The following TCFL5 variants were observed in gnomAD, a reference collection of about 807,000 sequenced individuals.
The protein encoded by TCFL5 is transcription factor-like 5 protein.
A neutral mutation model predicts 44.3 loss-of-function variants in TCFL5; 9 were observed. The observed-to-expected ratio is 0.20, with a 90% CI of 0.12 to 0.35. The LOEUF (loss-of-function observed/expected upper bound fraction) is 0.35. TCFL5 is among the 10% of genes least tolerant of loss of function. The probability of loss-of-function intolerance (pLI) is 1.00; values close to 1 mark genes in which losing one functional copy is unlikely to be tolerated. For synonymous variants in TCFL5, 319 were observed against 271.6 expected (o/e 1.17, Z -1.72); for missense variants, 603 against 613.4 (o/e 0.98, Z 0.18).
intron 5 of TCFL5, chr20:62,851,640 T>TTAAATAAATTAAATAA (rs2063811391): frequency 1.0e-5 from 10 of 985,276 alleles, no homozygotes; most frequent in Non-Finnish European, 1.2e-5. Context: ...CAATTAAATG[T>TTAAATAAATTAAATAA]ATAATGTAAA....
At chr20:62,850,893 C>T (rs921532353) in intron 5 of TCFL5, among the ~76,000 whole-genome samples, 35 of 152,120 alleles carry the variant, frequency 2.3e-4, no homozygotes, top group South Asian at 2.1e-4. Flanking sequence ...AAGCAGCCCC[C>T]GAGTCCGGCT....
rs1600817970 is a variant in TCFL5 at position 62,841,917 on chromosome 20, C to T, written c.*58G>A. ...AGCAGAGCTCCAGGGTTGCAGAAGG[C>T]GTGCACAGGTCACGAAGGAATGGCT... On this transcript the variant is annotated 3_prime_UTR_variant, in exon 6 of 6. Transcript: ENST00000335351. 33 of 1,552,166 alleles carry T rather than the reference C, an allele frequency of 2.1e-5. No homozygotes were observed. The highest frequency in any genetic ancestry group is 2.2e-4 in the Middle Eastern group (1 of 4,458).
At chr20:62,856,212 T>C (rs1159295751) in intron 4 of TCFL5, among the ~76,000 whole-genome samples, 1 of 133,170 alleles carries the variant, frequency 7.5e-6, no homozygotes, top group Non-Finnish European at 1.5e-5. Context: ...ATCATGCCAC[T>C]GCACTATTCC....
chr20:62,857,889 C>G (rs2063919474), intron 3 of TCFL5, among the ~76,000 whole-genome samples: 1 of 151,880 alleles, frequency 6.6e-6, no homozygotes, highest in Admixed American at 6.6e-5. Flanking sequence ...AAGTGCTATG[C>G]AACCAATATG....
At chr20:62,857,302 G>A in intron 4 of TCFL5, 93 bp downstream of exon 4, 11 of 1,514,906 alleles carry the variant, frequency 7.3e-6, no homozygotes, top group South Asian at 1.2e-5. Context: ...CCCTCTGAAC[G>A]CAGAAACGGC....
At chr20:62,860,702 G>A (rs1358809376) in intron 1 of TCFL5, among the ~76,000 whole-genome samples, 1 of 152,134 alleles carries the variant, frequency 6.6e-6, no homozygotes, top group Admixed American at 6.5e-5. Context: ...AACCCCCGTC[G>A]GGCCTTCCTA....
At chr20:62,850,800 C>T (rs570652429) in intron 5 of TCFL5, among the ~76,000 whole-genome samples, 81 of 152,338 alleles carry the variant, frequency 5.3e-4, no homozygotes, top group African/African-American at 1.7e-3. Flanking sequence ...ACTCTGCAGC[C>T]GGCAGGTCCT....
At chr20:62,845,541 T>C (rs979197129) in intron 5 of TCFL5, 5 of 1,456,830 alleles carry the variant, frequency 3.4e-6, no homozygotes, top group East Asian at 5.0e-5. Context: ...TTTGGCAAGA[T>C]AGAATTCACC....
chr20:62,861,217 C>G lies in TCFL5; in HGVS notation c.454G>C (p.Ala152Pro). 1 of 1,140,854 alleles carries G rather than the reference C, an allele frequency of 8.8e-7. No homozygotes were observed. The highest frequency in any genetic ancestry group is 1.1e-6 in the Non-Finnish European group (1 of 918,074). 70.7% of individuals were successfully genotyped at this position (1,140,854 alleles called of 1,614,324 possible). A position where few individuals can be genotyped will look rare whatever the true frequency, so the allele number is the denominator to read the frequency against. Residue 152 changes from alanine to proline, a missense_variant, in exon 1 of 6, where the codon GCC (alanine) becomes CCC (proline). Around this residue, in one of 4 missense-constraint regions of TCFL5, gnomAD observed 540 missense variants for 478.7 expected, o/e 1.13. Coordinates refer to ENST00000335351, the MANE Select transcript of TCFL5 (RefSeq NM_006602.4). This position sits in a 1 kb window ranked among gnomAD's most constrained non-coding sequence, Gnocchi z 4.0. ...TCCTTGGCGGCGCCGTCGGCCCGGG[C>G]CCTCGCTCCGTCCCCGCCGCCCGAC... ...KTSGGGDGAR[A>P]RADGAAKEGA...
rs1225002106 is a variant in TCFL5 at position 62,860,010 on chromosome 20, A to AT, written c.831+114_831+115insA. On this transcript the variant is annotated intron_variant, in intron 2 of 5. Transcript: ENST00000335351. ...AGGTGTCGGCCTTGGCGCCCGGCTTAAAAGGTTATTAAGCTCACTGAAGGG... is the reference window on the plus strand; with the variant it reads ...AGGTGTCGGCCTTGGCGCCCGGCTTATAAAGGTTATTAAGCTCACTGAAGGG... 4 of 1,086,834 alleles carry AT rather than the reference A, an allele frequency of 3.7e-6. No individual in the cohort carries two copies. In the African/African-American group the frequency reaches 6.4e-5, roughly 17 times the overall value. The allele number at this position is 1,086,834 out of a possible 1,614,324, so 67.3% of individuals were successfully genotyped here.
intron 5 of TCFL5, chr20:62,845,304 T>G (rs1334977230): frequency 1.2e-6 from 1 of 842,224 alleles, no homozygotes; most frequent in Non-Finnish European, 1.5e-6. Context: ...GTATTTTTAG[T>G]AGAGACGGGG....
At chr20:62,845,432 AT>A in intron 5 of TCFL5, 1 of 1,270,364 alleles carries the variant, frequency 7.9e-7, no homozygotes, top group Non-Finnish European at 1.0e-6. Flanking sequence ...TTCTTCCCAA[AT>A]TTTAAAAGGT....
At position 62,841,973 on chromosome 20, in the gene TCFL5, G is replaced by C. The variant is rs375065403; in HGVS notation, c.*2C>G. On this transcript the variant is annotated 3_prime_UTR_variant, in exon 6 of 6. Coordinates refer to ENST00000335351, the MANE Select transcript of TCFL5 (RefSeq NM_006602.4). ...CCCCCCGAGGATTCCTGTTCAGTCC[G>C]ATCACTTGATCTCCATCGAGGGGCT... is the stretch of plus-strand genomic sequence containing the variant. 15 of 1,613,950 alleles carry C rather than the reference G, an allele frequency of 9.3e-6. No homozygotes were observed. In the South Asian group the frequency reaches 1.5e-4, roughly 17 times the overall value.
chr20:62,860,429 T>C, intron 1 of TCFL5, 121 bp from the exon 2 acceptor site: 1 of 853,278 alleles, frequency 1.2e-6, no homozygotes, highest in East Asian at 2.6e-5. Context: ...ATCCTGGAAA[T>C]CTCTACACAA....
At chr20:62,849,899 G>A (rs576402128) in intron 5 of TCFL5, among the ~76,000 whole-genome samples, 58 of 152,140 alleles carry the variant, frequency 3.8e-4, no homozygotes, top group African/African-American at 1.4e-3. Flanking sequence ...AGGCTGCAGT[G>A]AGCCATAATC....
At chr20:62,850,224 T>C (rs925963347) in intron 5 of TCFL5, among the ~76,000 whole-genome samples, 3 of 152,164 alleles carry the variant, frequency 2.0e-5, no homozygotes, top group African/African-American at 4.8e-5. Context: ...TAAATGTTCA[T>C]TGCTGAGACT....
At chr20:62,860,892 C>A in intron 1 of TCFL5, 132 bp downstream of exon 1, 1 of 768,288 alleles carries the variant, frequency 1.3e-6, no homozygotes, top group Non-Finnish European at 1.6e-6. Flanking sequence ...CCGGTGAGGT[C>A]CGCGCCCTGT....
At chr20:62,851,711 CAG>C in intron 5 of TCFL5, 2 of 985,422 alleles carry the variant, frequency 2.0e-6, no homozygotes, top group Non-Finnish European at 2.4e-6. Flanking sequence ...AGAAAAGGGA[CAG>C]AGACAAGACA....
At chr20:62,844,194 A>G (rs1030732509) in intron 5 of TCFL5, among the ~76,000 whole-genome samples, 2 of 152,226 alleles carry the variant, frequency 1.3e-5, no homozygotes, top group Non-Finnish European at 2.9e-5. Context: ...GCGGCAAAGC[A>G]CAGGGATTCT....
Sources: gnomAD v4.1 joint callset for allele counts (sites outside exome capture counted in the v4.1 genomes callset) on GRCh38, gnomAD v4.1.1 for gene constraint, gnomAD v4.1.1 regional missense constraint, Gnocchi (gnomAD v3.1) non-coding constraint, MANE v1.5 for transcripts, NCBI Gene and HGNC (gene_info 2026-07-23, HGNC 2026-07-21) for gene names.